The following TBC1D22A variants were observed in gnomAD, a reference collection of about 807,000 sequenced individuals.
TBC1D22A encodes the protein TBC1 domain family member 22A.
A neutral mutation model predicts 60.2 loss-of-function variants in TBC1D22A; 38 were observed. The observed-to-expected ratio is 0.63, with a 90% CI of 0.49 to 0.83. TBC1D22A has a LOEUF of 0.83. Ranked by LOEUF, TBC1D22A falls within the 40% of genes least tolerant of loss-of-function variation. TBC1D22A has a pLI of 0.00. For synonymous variants in TBC1D22A, 302 were observed against 281.7 expected, an observed-to-expected ratio of 1.07 and a Z score of -0.72; for missense variants, 628 against 701.0, an observed-to-expected ratio of 0.90 and a Z score of 1.18.
At chr22:47,100,633 C>G (rs953820262) in intron 11 of TBC1D22A, among the ~76,000 whole-genome samples, 3 of 152,220 alleles carry the variant, frequency 2.0e-5, no homozygotes, top group Non-Finnish European at 4.4e-5. Context: ...ACGCTCTCTC[C>G]TTTTTTGGCC....
rs2084709625 is a variant in TBC1D22A, at chr22:46,797,540, G to T, written c.557G>T (p.Ser186Ile). 2 of 1,614,036 alleles carry T rather than the reference G, an allele frequency of 1.2e-6. No homozygotes were observed. The highest frequency in any genetic ancestry group is 1.7e-6 in the Non-Finnish European group (2 of 1,180,024). Residue 186 changes from serine to isoleucine, a missense_variant, in exon 4 of 13, where the codon AGC (serine) becomes ATC (isoleucine). Transcript: ENST00000337137. ...GGCACATCTGACCCCAGCACTCTCA[G>T]CAGCTCAGCGCTGAGCGAAAGAGAG... ...LGGTSDPSTL[S>I]SSALSEREAS...
chr22:47,164,720 A>T (rs926356934), intron 12 of TBC1D22A, among the ~76,000 whole-genome samples: 2 of 152,110 alleles, frequency 1.3e-5, no homozygotes, highest in African/African-American at 2.4e-5. Context: ...CTGCAGCCTG[A>T]AGTTCACTGG....
chr22:47,100,212 G>A (rs1278658132), intron 11 of TBC1D22A, among the ~76,000 whole-genome samples: 2 of 152,084 alleles, frequency 1.3e-5, no homozygotes, highest in African/African-American at 4.8e-5. Context: ...TCAGGGCACA[G>A]GGGTGAGGTG....
chr22:47,005,388 C>G (rs148795947), intron 10 of TBC1D22A, among the ~76,000 whole-genome samples: 6 of 151,672 alleles, frequency 4.0e-5, no homozygotes, highest in African/African-American at 1.5e-4. Context: ...ACACATACCC[C>G]TATGCACGCA....
At chr22:46,802,611 C>T (rs1378464981) in intron 4 of TBC1D22A, among the ~76,000 whole-genome samples, 1 of 152,210 alleles carries the variant, frequency 6.6e-6, no homozygotes, top group Non-Finnish European at 1.5e-5. Context: ...TCTGCTTTTA[C>T]TTCGAGCACA....
At chr22:47,079,869 A>G (rs532518928) in intron 11 of TBC1D22A, among the ~76,000 whole-genome samples, 20 of 152,342 alleles carry the variant, frequency 1.3e-4, no homozygotes, top group African/African-American at 4.3e-4. Context: ...AGATCCAACT[A>G]TGTGCTGTTT....
intron 12 of TBC1D22A, among the ~76,000 whole-genome samples, chr22:47,147,054 C>G (rs2147161751): frequency 6.6e-6 from 1 of 152,328 alleles, no homozygotes; most frequent in South Asian, 2.1e-4. Context: ...GAGGGAAGGG[C>G]CGCTGCGCAG....
Position 47,173,492 on chromosome 22 carries a change from C to T in TBC1D22A, c.1426-6C>T. On this transcript the variant is annotated splice_polypyrimidine_tract_variant and splice_region_variant and intron_variant, in intron 12 of 12. Coordinates refer to ENST00000337137, the MANE Select transcript of TBC1D22A (RefSeq NM_014346.5). ...CTCTGACCTGGGCTTGTCTCTTTCT[C>T]CCCAGGAGCTGCTGCTCTTCCTCCA... is the stretch of plus-strand genomic sequence containing the variant. The T allele has an allele frequency of 6.2e-7, 1 of 1,613,846 alleles. No individual in the cohort carries two copies.
rs895817807 is a variant in TBC1D22A, at chr22:47,017,149, C to T, written c.1201+19440C>T. The stretch of plus-strand genomic sequence containing the variant: ...TTTCCTGTCATTAATGGTGTTGATG[C>T]TCTACATTTCCCAAGCTTGGTGCGG... On this transcript the variant is annotated intron_variant, in intron 10 of 12. Coordinates refer to ENST00000337137, the MANE Select transcript of TBC1D22A (RefSeq NM_014346.5). 2.0e-5 allele frequency among the ~76,000 whole-genome samples: 3 copies of T among 152,212 alleles called. No homozygotes were observed. In the East Asian group the frequency reaches 5.8e-4, roughly 29 times the overall value.
At chr22:46,875,851 T>C (rs140535) in intron 4 of TBC1D22A, among the ~76,000 whole-genome samples, 96,893 of 151,872 alleles carry the variant, frequency 0.64, 32,155 homozygotes, top group Middle Eastern at 0.84. Context: ...AAGGATGGAG[T>C]ATTGTGTCCA....
At chr22:47,109,206 T>C (rs1010406295) in intron 11 of TBC1D22A, among the ~76,000 whole-genome samples, 2 of 152,240 alleles carry the variant, frequency 1.3e-5, no homozygotes, top group African/African-American at 2.4e-5. Flanking sequence ...TGAATTTGTA[T>C]GCTCCTGATA....
At chr22:47,056,858 C>T (rs2063409316) in intron 11 of TBC1D22A, among the ~76,000 whole-genome samples, 1 of 152,220 alleles carries the variant, frequency 6.6e-6, no homozygotes, top group South Asian at 2.1e-4. Context: ...CCCGGGGAAG[C>T]TGCAGGGACA....
chr22:47,160,105 C>T (rs1487986606), intron 12 of TBC1D22A, among the ~76,000 whole-genome samples: 1 of 152,198 alleles, frequency 6.6e-6, no homozygotes, highest in Non-Finnish European at 1.5e-5. Flanking sequence ...CAGGGGAGGC[C>T]GGGCCGCCCA....
At chr22:47,005,481 C>G (rs1301641098) in intron 10 of TBC1D22A, among the ~76,000 whole-genome samples, 1 of 151,580 alleles carries the variant, frequency 6.6e-6, no homozygotes, top group African/African-American at 2.4e-5. Flanking sequence ...CACACGCATA[C>G]CTACACACAC....
At chr22:47,128,886 T>C (rs970036287) in intron 12 of TBC1D22A, among the ~76,000 whole-genome samples, 2 of 152,174 alleles carry the variant, frequency 1.3e-5, no homozygotes, top group Non-Finnish European at 2.9e-5. Context: ...CTTGGCAATA[T>C]GCATGAGGCA....
chr22:46,872,617 A>G (rs56673395), intron 4 of TBC1D22A, among the ~76,000 whole-genome samples: 6,550 of 152,318 alleles, frequency 0.043, 489 homozygotes, highest in African/African-American at 0.15. Flanking sequence ...TCAATTTGCA[A>G]TTGAATGCAG....
chr22:46,926,339 AGACT>A (rs2071046976), intron 8 of TBC1D22A, among the ~76,000 whole-genome samples: 1 of 152,206 alleles, frequency 6.6e-6, no homozygotes, highest in Admixed American at 6.5e-5. Context: ...ACTTGTAGCT[AGACT>A]GACCAGAGAG....
chr22:46,942,331 T>C (rs1228000981), intron 8 of TBC1D22A, among the ~76,000 whole-genome samples: 1 of 152,074 alleles, frequency 6.6e-6, no homozygotes, highest in Non-Finnish European at 1.5e-5. Flanking sequence ...AAGCTTAGCT[T>C]TATAAAGCTA....
chr22:46,787,717 A>G lies in TBC1D22A; in HGVS notation c.63-4803A>G, dbSNP rs1309288738. ...CTTCCATAATAGTATAAACTCTTAC[A>G]TGGAAATGGAAAATGTCAAATACAG... is the stretch of plus-strand genomic sequence containing the variant. On this transcript the variant is annotated intron_variant, in intron 1 of 12. Coordinates refer to ENST00000337137, the MANE Select transcript of TBC1D22A (RefSeq NM_014346.5). Among the ~76,000 whole-genome samples the G allele has an allele frequency of 3.9e-5, 6 of 152,178 alleles. No homozygotes were observed. In the South Asian group the frequency reaches 8.3e-4, roughly 21 times the overall value.
Sources: allele counts gnomAD v4.1 joint callset (sites outside exome capture counted in the v4.1 genomes callset), GRCh38; gene constraint gnomAD v4.1.1; transcripts MANE v1.5; gene names NCBI Gene and HGNC (gene_info 2026-07-23, HGNC 2026-07-21).